The following TMC7 variants were observed in gnomAD, a reference collection of about 807,000 sequenced individuals.
TMC7 encodes the protein transmembrane channel like 7.
TMC7 carries 54 observed loss-of-function variants against 82.9 expected under a neutral mutation model. The observed-to-expected ratio is 0.65, with a 90% confidence interval of 0.52 to 0.82. TMC7 has a LOEUF of 0.82. TMC7 is among the 40% of genes least tolerant of loss of function. The pLI is 0.00. For synonymous variants in TMC7, 350 were observed against 337.9 expected (o/e 1.04, Z -0.39); for missense variants, 820 against 901.2 (o/e 0.91, Z 1.15).
chr16:19,062,139 G>A lies in TMC7; in HGVS notation c.*296G>A, dbSNP rs1456405356. ...TTTACAAGAATGAAAGAGCGGAGAC[G>A]GTAGTTTAGTATTTGAGCCACGAGT... On this transcript the variant is annotated 3_prime_UTR_variant, in exon 16 of 16. Transcript: ENST00000304381. The A allele has an allele frequency of 9.4e-6, 3 of 319,706 alleles. No individual in the cohort carries two copies. Among genetic ancestry groups the A allele is most frequent in the East Asian group, 5.3e-5 (1 of 18,708 alleles). 19.8% of individuals were successfully genotyped at this position (319,706 alleles called of 1,614,324 possible). A position where few individuals can be genotyped will look rare whatever the true frequency, so the allele number is the denominator to read the frequency against.
chr16:19,030,202 C>T (rs776979452), intron 5 of TMC7, 22 bp from the exon 6 acceptor site: 3 of 1,604,872 alleles, frequency 1.9e-6, no homozygotes, highest in Admixed American at 3.4e-5. Flanking sequence ...AGTCTGACTT[C>T]ATGCTCTTGG....
chr16:19,057,607 A>T (rs1200569017), intron 14 of TMC7, among the ~76,000 whole-genome samples: 1 of 152,280 alleles, frequency 6.6e-6, no homozygotes, highest in East Asian at 1.9e-4. Context: ...CGTAGGATCC[A>T]GGGCTCCAGC....
At chr16:19,028,892 G>A (rs1960358821) in intron 5 of TMC7, among the ~76,000 whole-genome samples, 1 of 151,826 alleles carries the variant, frequency 6.6e-6, no homozygotes, top group Admixed American at 6.6e-5. Context: ...CTGACCTCAT[G>A]ATCCACCCGC....
intron 5 of TMC7, among the ~76,000 whole-genome samples, chr16:19,029,971 C>T (rs993206416): frequency 2.6e-5 from 4 of 152,186 alleles, no homozygotes; most frequent in Non-Finnish European, 5.9e-5. Context: ...CCGCTTTGGC[C>T]TCCCAAAGGG....
At chr16:19,016,822 A>G (rs902444948) in intron 3 of TMC7, among the ~76,000 whole-genome samples, 1 of 152,216 alleles carries the variant, frequency 6.6e-6, no homozygotes, top group African/African-American at 2.4e-5. Context: ...ATCTTGGAAT[A>G]CCGTTAATAC....
chr16:19,057,568 G>C (rs1486316449), intron 14 of TMC7, among the ~76,000 whole-genome samples: 3 of 152,244 alleles, frequency 2.0e-5, no homozygotes, highest in Non-Finnish European at 2.9e-5. Context: ...ATGACTTGGG[G>C]GAGCTGTGCA....
At position 19,016,542 on chromosome 16, in the gene TMC7, C is replaced by T; in HGVS notation, c.404C>T (p.Ala135Val). The change falls in exon 3 of 16, where the codon GCT (alanine) becomes GTT (valine). Residue 135 changes from alanine to valine, a missense_variant. By Grantham distance (64) the Ala-to-Val change is moderately conservative. Around this residue, in one of 2 missense-constraint regions of TMC7, gnomAD observed 650 missense variants for 669.9 expected, o/e 0.97. Transcript: ENST00000304381. ...TCTTGGAAGAGGTTCCTAGAGAAGG[C>T]TCGAGAGATGACGACCCACCTGGAG... ...SKSWKRFLEK[A>V]REMTTHLELW... 6.2e-7 allele frequency: 1 copy of T among 1,614,130 alleles called. No homozygotes were observed. The highest frequency in any genetic ancestry group is 8.5e-7 in the Non-Finnish European group (1 of 1,180,020).
At chr16:18,998,733 G>C (rs1258671903) in intron 1 of TMC7, among the ~76,000 whole-genome samples, 1 of 140,654 alleles carries the variant, frequency 7.1e-6, no homozygotes, top group Non-Finnish European at 1.5e-5. Flanking sequence ...CAGCCTGGGT[G>C]ACAGAGTGAG....
chr16:19,036,501 C>A (rs760873608), intron 7 of TMC7, among the ~76,000 whole-genome samples: 4 of 150,868 alleles, frequency 2.7e-5, no homozygotes, highest in Non-Finnish European at 5.9e-5. Context: ...GAGCGAGACT[C>A]CGTCTCAAAA....
intron 11 of TMC7, 56 bp downstream of exon 11, chr16:19,045,494 C>T: frequency 1.7e-6 from 2 of 1,164,090 alleles, no homozygotes; most frequent in Non-Finnish European, 2.6e-6. Context: ...CACACACACA[C>T]ATACACACAC....
At chr16:19,049,480 C>T (rs1279511531) in intron 12 of TMC7, 4 of 259,840 alleles carry the variant, frequency 1.5e-5, no homozygotes, top group Non-Finnish European at 1.2e-5. Context: ...TTGGGCCAAC[C>T]GTTCTACCTG....
intron 1 of TMC7, among the ~76,000 whole-genome samples, chr16:18,996,705 A>G (rs530478054): frequency 6.6e-6 from 1 of 152,306 alleles, no homozygotes; most frequent in South Asian, 2.1e-4. Flanking sequence ...GGAGACACAG[A>G]GAAGGGGGTG....
intron 14 of TMC7, among the ~76,000 whole-genome samples, chr16:19,058,926 G>A (rs748109883): frequency 2.6e-5 from 4 of 152,080 alleles, no homozygotes; most frequent in African/African-American, 4.8e-5. Flanking sequence ...CGCCCAGGCT[G>A]GAGTGCAGTG....
chr16:19,055,784 T>C (rs1961743324), intron 13 of TMC7, among the ~76,000 whole-genome samples: 1 of 152,200 alleles, frequency 6.6e-6, no homozygotes, highest in South Asian at 2.1e-4. Context: ...TAGGTAAATG[T>C]GTGCCATGGT....
intron 1 of TMC7, among the ~76,000 whole-genome samples, chr16:19,001,565 C>T (rs2039141659): frequency 6.6e-6 from 1 of 152,050 alleles, no homozygotes; most frequent in Non-Finnish European, 1.5e-5. Context: ...ACCTGTGGTC[C>T]CAGCTACTCA....
In TMC7 at chr16:19,062,659, C is replaced by T. The variant is rs553501120; in HGVS notation, c.*816C>T. The T allele has an allele frequency of 5.9e-5, 9 of 152,682 alleles. No homozygotes were observed. Among genetic ancestry groups the T allele is most frequent in the African/African-American group, 2.2e-4 (9 of 41,540 alleles). 9.5% of individuals were successfully genotyped at this position (152,682 alleles called of 1,614,324 possible). On this transcript the variant is annotated 3_prime_UTR_variant, in exon 16 of 16. Transcript: ENST00000304381. ...AATGTAGAATATCTCTTAAGATTTC[C>T]GTTATGGTAAAAACCATATGCAATA...
chr16:19,047,889 C>T (rs541984932), intron 12 of TMC7, among the ~76,000 whole-genome samples: 13 of 150,272 alleles, frequency 8.7e-5, no homozygotes, highest in Admixed American at 2.7e-4. Flanking sequence ...TTAGTAGAGA[C>T]GGGGTTTCAC....
intron 2 of TMC7, among the ~76,000 whole-genome samples, chr16:19,011,125 C>T (rs887658787): frequency 2.0e-5 from 3 of 152,092 alleles, no homozygotes; most frequent in South Asian, 2.1e-4. Context: ...GAAAGGTGCA[C>T]ATATCACTTT....
intron 9 of TMC7, among the ~76,000 whole-genome samples, chr16:19,043,285 T>C (rs1242778186): frequency 6.6e-6 from 1 of 152,178 alleles, no homozygotes; most frequent in Admixed American, 6.6e-5. Flanking sequence ...CCCGCGACCC[T>C]GATACAGAAA....
Sources: gnomAD v4.1 joint callset for allele counts (sites outside exome capture counted in the v4.1 genomes callset) on GRCh38, gnomAD v4.1.1 for gene constraint, gnomAD v4.1.1 regional missense constraint, MANE v1.5 for transcripts, NCBI Gene and HGNC (gene_info 2026-07-23, HGNC 2026-07-21) for gene names.